Variants in PLCZ1 observed in about 807,000 individuals in gnomAD.
PLCZ1 encodes phospholipase C zeta 1, also known as 1-phosphatidylinositol 4,5-bisphosphate phosphodiesterase zeta-1.
PLCZ1 carries 64 observed loss-of-function variants against 76.8 expected under a neutral mutation model. That is an observed-to-expected ratio of 0.83 (90% CI 0.68 to 1.03). The LOEUF is 1.03. Ranked by LOEUF, PLCZ1 falls within the 50% of genes least tolerant of loss-of-function variation. The pLI, the probability that PLCZ1 is intolerant of heterozygous loss-of-function variation, is 0.00. For missense variants in PLCZ1, 751 were observed against 713.7 expected (o/e 1.05, Z -0.60); for synonymous variants, 248 against 230.8 (o/e 1.07, Z -0.68).
chr12:18,727,524 G>A lies in PLCZ1; in HGVS notation c.136-3982C>T, dbSNP rs147927320. Among the ~76,000 whole-genome samples the A allele has an allele frequency of 7.8e-3, 1,189 of 152,198 alleles. 12 individuals carry two copies. Among genetic ancestry groups the A allele is most frequent in the Non-Finnish European group, 0.011 (718 of 68,010 alleles). On this transcript the variant is annotated intron_variant, in intron 3 of 14. Transcript: ENST00000266505. ...TTGCCTGAAATTAGGGAGGAAAGGG[G>A]CTAATTCTATTTGTTAAGATCAGAG...
At chr12:18,665,836 G>A in the PLCZ1 span, among the ~76,000 whole-genome samples, 1 of 151,744 alleles carries the variant, frequency 6.6e-6, no homozygotes, top group African/African-American at 2.4e-5. Context: ...TTGGGAGGCT[G>A]AGGCAGGGGA....
In PLCZ1 at chr12:18,736,364, A is replaced by G. The variant is rs375703908; in HGVS notation, c.12-20T>C. On this transcript the variant is annotated intron_variant, in intron 2 of 14. Coordinates refer to ENST00000266505, the MANE Select transcript of PLCZ1 (RefSeq NM_033123.4). ...AACCATGTAGAAGCACAAAAAAGTT[A>G]AGGAAATTCTCACAGAAAGTCATTG... 1.0e-5 allele frequency: 16 copies of G among 1,607,492 alleles called. No individual in the cohort carries two copies. In the African/African-American group the frequency reaches 2.1e-4, roughly 21 times the overall value.
chr12:18,648,361 A>G, the PLCZ1 span: 1 of 224,922 alleles, frequency 4.4e-6, no homozygotes, highest in South Asian at 1.8e-4. Flanking sequence ...TAAAAGCAGT[A>G]TTTTTAATGT....
chr12:18,653,135 GC>G, the PLCZ1 span, among the ~76,000 whole-genome samples: 1 of 152,010 alleles, frequency 6.6e-6, no homozygotes, highest in Non-Finnish European at 1.5e-5. Flanking sequence ...TCATTGCCTG[GC>G]TACTAATATC....
rs372585048 is a variant in PLCZ1, at chr12:18,723,404, G to C, written c.274C>G (p.Leu92Val). The change falls in exon 4 of 15, where the codon CTG becomes GTG. Residue 92 changes from leucine (L) to valine (V), a missense_variant. By Grantham distance (32) the Leu-to-Val change is conservative. Transcript: ENST00000266505. ...TGTTCTTGTGTCAGAAATTGAGCCA[G>C]ATTACTTGCTAAAAGAATTTTCCGG... ...ENRKILLASN[L>V]AQFLTQEQYA... The C allele has an allele frequency of 6.2e-7, 1 of 1,613,040 alleles. No homozygotes were observed. Among genetic ancestry groups the C allele is most frequent in the Non-Finnish European group, 8.5e-7 (1 of 1,179,456 alleles).
chr12:18,736,208 G>T lies in PLCZ1; in HGVS notation c.135+13C>A. 2 of 1,610,934 alleles carry T rather than the reference G, an allele frequency of 1.2e-6. No homozygotes were observed. Among genetic ancestry groups the T allele is most frequent in the Non-Finnish European group, 1.7e-6 (2 of 1,177,902 alleles). On this transcript the variant is annotated intron_variant, in intron 3 of 14. Coordinates refer to ENST00000266505, the MANE Select transcript of PLCZ1 (RefSeq NM_033123.4). ...CCTAGGATAGGATAGGCAGGGGGTG[G>T]ATGTCATCTTACCTTAAAAATCTGT...
At chr12:18,718,319 T>C (rs969389760) in intron 5 of PLCZ1, among the ~76,000 whole-genome samples, 2 of 152,122 alleles carry the variant, frequency 1.3e-5, no homozygotes, top group Non-Finnish European at 2.9e-5. Flanking sequence ...TCCCAAATCA[T>C]CTTCTACCTC....
At position 18,683,225 on chromosome 12, in the gene PLCZ1, T is replaced by C. The variant is rs200735665; in HGVS notation, c.*14A>G. On this transcript the variant is annotated 3_prime_UTR_variant, in exon 15 of 15. Transcript: ENST00000266505. ...GCGATGCATAGCTAATGATATGTCA[T>C]TTATCATTAGCTGTTATCTGACGTA... 91 of 1,596,518 alleles carry C rather than the reference T, an allele frequency of 5.7e-5. No homozygotes were observed. The Middle Eastern group carries it at 8.3e-4, about 15-fold the overall frequency.
chr12:18,726,377 C>T (rs1484772685), intron 3 of PLCZ1, among the ~76,000 whole-genome samples: 1 of 152,098 alleles, frequency 6.6e-6, no homozygotes, highest in Non-Finnish European at 1.5e-5. Flanking sequence ...TTACAAAAAG[C>T]ACTTTCCCAA....
intron 12 of PLCZ1, 130 bp from the exon 13 acceptor site, chr12:18,688,348 G>C: frequency 3.4e-6 from 3 of 892,056 alleles, no homozygotes; most frequent in African/African-American, 1.7e-5. Flanking sequence ...ATTGAAAGTG[G>C]AATACAATAC....
downstream of PLCZ1, among the ~76,000 whole-genome samples, chr12:18,682,035 C>A (rs965272515): frequency 7.2e-5 from 11 of 151,962 alleles, no homozygotes; most frequent in Non-Finnish European, 1.3e-4. Flanking sequence ...CATTATCTGG[C>A]AAAACAGAGG....
the PLCZ1 span, among the ~76,000 whole-genome samples, chr12:18,669,665 C>T: frequency 3.4e-5 from 5 of 148,580 alleles, no homozygotes; most frequent in Non-Finnish European, 6.0e-5. Flanking sequence ...CTCTTCCTCT[C>T]TTTTTTTTTT....
intron 6 of PLCZ1, among the ~76,000 whole-genome samples, chr12:18,706,803 G>C (rs1956661432): frequency 6.6e-6 from 1 of 152,196 alleles, no homozygotes; most frequent in Non-Finnish European, 1.5e-5. Flanking sequence ...CTCTGTGGCT[G>C]CTGTGACAAA....
rs184534521 is a variant in PLCZ1 at position 18,723,338 on chromosome 12, T to C, written c.340A>G (p.Ile114Val). Residue 114 changes from isoleucine (I) to valine (V), a missense_variant, in exon 4 of 15, where the codon ATT (isoleucine) becomes GTT (valine). Ile to Val is a conservative substitution (Grantham distance 29, BLOSUM62 3). Coordinates refer to ENST00000266505, the MANE Select transcript of PLCZ1 (RefSeq NM_033123.4). The part of the protein sequence containing the change: ...EMSKAIAFEI[I>V]QKYEPIEEVR... ...TCTTCGATAGGCTCGTATTTCTGAA[T>C]GATCTCAAAAGCAATAGCTTTACTC... 2.5e-6 allele frequency: 4 copies of C among 1,612,382 alleles called. No homozygotes were observed. The highest frequency in any genetic ancestry group is 2.2e-5 in the East Asian group (1 of 44,774).
the PLCZ1 span, among the ~76,000 whole-genome samples, chr12:18,650,331 C>CTCTCTATATATATA: frequency 1.1e-5 from 1 of 91,986 alleles, no homozygotes; most frequent in African/African-American, 4.4e-5. Flanking sequence ...CTCTCTCTCT[C>CTCTCTATATATATA]TATATATATA....
At chr12:18,699,997 GA>G (rs577636518) in intron 9 of PLCZ1, 47 bp from the exon 10 acceptor site, 36 of 1,542,466 alleles carry the variant, frequency 2.3e-5, no homozygotes, top group East Asian at 6.8e-5. Context: ...TAATCATTGG[GA>G]AAAAAAATTT....
the PLCZ1 span, chr12:18,647,753 T>G: frequency 2.2e-6 from 1 of 444,572 alleles, no homozygotes; most frequent in Middle Eastern, 5.2e-4. Context: ...AGTCTGACAT[T>G]AACCTATCTA....
chr12:18,692,717 T>C, intron 12 of PLCZ1: 1 of 815,602 alleles, frequency 1.2e-6, no homozygotes, highest in Non-Finnish European at 2.0e-6. Flanking sequence ...CTTTGAATCA[T>C]CAACATAAAG....
intron 5 of PLCZ1, among the ~76,000 whole-genome samples, chr12:18,716,070 T>A (rs183429453): frequency 1.8e-4 from 28 of 152,318 alleles, no homozygotes; most frequent in Admixed American, 7.2e-4. Context: ...TGTATTTAGA[T>A]TTTAAGTTGG....
Sources: allele counts gnomAD v4.1 joint callset (sites outside exome capture counted in the v4.1 genomes callset), GRCh38; gene constraint gnomAD v4.1.1; transcripts MANE v1.5; gene names NCBI Gene and HGNC (gene_info 2026-07-23, HGNC 2026-07-21).